The following APOB variants were observed in gnomAD, a reference collection of about 807,000 sequenced individuals.
The protein encoded by APOB is apolipoprotein B-100.
In APOB, 153 loss-of-function variants were observed where a neutral mutation model predicts 314.1. The ratio of observed to expected loss-of-function variants is 0.49; its 90% CI spans 0.43 to 0.56. APOB has a LOEUF of 0.56. APOB is among the 20% of genes least tolerant of loss of function. The pLI is 0.00. For missense variants in APOB, 5,430 were observed against 5,350.7 expected (o/e 1.01, Z -0.46); for synonymous variants, 2,087 against 2,036.4 (o/e 1.02, Z -0.67).
At chr2:21,012,692 A>C in intron 25 of APOB, 41 bp from the exon 26 acceptor site, 1 of 1,594,626 alleles carries the variant, frequency 6.3e-7, no homozygotes, top group African/African-American at 1.3e-5. Flanking sequence ...ATTAAGCAGT[A>C]CATTTCCAGA....
In APOB at chr2:21,012,022, A is replaced by G. The variant is rs1448965079; in HGVS notation, c.4846T>C (p.Ser1616Pro). 1.2e-6 allele frequency: 2 copies of G among 1,614,128 alleles called. No individual in the cohort carries two copies. The highest frequency in any genetic ancestry group is 1.7e-6 in the Non-Finnish European group (2 of 1,180,058). Residue 1616 changes from serine (S) to proline (P), a missense_variant, in exon 26 of 29, where the codon TCT (serine) becomes CCT (proline). Around this residue, in one of 3 missense-constraint regions of APOB, gnomAD observed 2,085 missense variants for 2,079.7 expected, o/e 1.00. Transcript: ENST00000233242. ...AGACCATGGGAATTTAGTGATCCAG[A>G]AAGCAGGCTGAAGAACCTCAATGAC... ...YESLRFFSLL[S>P]GSLNSHGLEL...
In APOB at chr2:21,019,866, C is replaced by T. The variant is rs1403017572; in HGVS notation, c.2856G>A (p.Val952=). ...LHLVSTTKTE[V]IPPLIENRQS... ...GCCTGTTCTCAATGAGAGGTGGGAT[C>T]ACCTCCGTTTTGGTGGTAGAGACCA... Residue 952 remains valine, a synonymous_variant, in exon 19 of 29, where the codon GTG becomes GTA. Coordinates refer to ENST00000233242, the MANE Select transcript of APOB (RefSeq NM_000384.3). The T allele has an allele frequency of 6.2e-7, 1 of 1,614,158 alleles. No homozygotes were observed. The highest frequency in any genetic ancestry group is 8.5e-7 in the Non-Finnish European group (1 of 1,180,042).
At chr2:21,041,972 G>C (rs931141943) in intron 3 of APOB, among the ~76,000 whole-genome samples, 2 of 152,100 alleles carry the variant, frequency 1.3e-5, no homozygotes, top group South Asian at 2.1e-4. Context: ...AACAGATTCT[G>C]TTTGACTTAA....
rs1393930502 is a variant in APOB, at chr2:21,006,025, C to T, written c.10843G>A (p.Asp3615Asn). The T allele has an allele frequency of 6.2e-7, 1 of 1,614,010 alleles. No individual in the cohort carries two copies. The highest frequency in any genetic ancestry group is 2.2e-5 in the East Asian group (1 of 44,880). ...SQPSSFHDFPDLGQEVALNAN... is the reference protein window; with the variant it reads ...SQPSSFHDFPNLGQEVALNAN... ...TTCAGGGCCACTTCCTGGCCAAGGT[C>T]AGGGAAATCATGGAAGGAACTGGGC... The change falls in exon 26 of 29, where the codon GAC becomes AAC. Residue 3615 changes from aspartate to asparagine, a missense_variant. Physicochemically the swap from Asp to Asn is conservative, Grantham distance 23 (BLOSUM62 1). This residue lies in a region of APOB where 3,281 missense variants were observed against 3,171.0 expected (regional missense o/e 1.03). Coordinates refer to ENST00000233242, the MANE Select transcript of APOB (RefSeq NM_000384.3).
Position 21,001,731 on chromosome 2 carries a change from T to C in APOB, c.13691A>G (p.Ter4564=). 1.2e-6 allele frequency: 2 copies of C among 1,613,512 alleles called. No homozygotes were observed. Among genetic ancestry groups the C allele is most frequent in the South Asian group, 1.1e-5 (1 of 90,998 alleles). Residue 4564 remains the stop codon, a stop_retained_variant, in exon 29 of 29, where the codon TAA becomes TGA. Transcript: ENST00000233242. ...LAPGELTIIL[*] ...TAAATGAAGATTTCTTTTAAAAAATTAGAGGATGATAGTAAGTTCTCCTGG... is the reference window on the plus strand; with the variant it reads ...TAAATGAAGATTTCTTTTAAAAAATCAGAGGATGATAGTAAGTTCTCCTGG...
chr2:21,027,892 G>A lies in APOB; in HGVS notation c.2003C>T (p.Pro668Leu), dbSNP rs755497502. 1.9e-6 allele frequency: 3 copies of A among 1,614,194 alleles called. No homozygotes were observed. Among genetic ancestry groups the A allele is most frequent in the Non-Finnish European group, 2.5e-6 (3 of 1,180,024 alleles). Residue 668 changes from proline to leucine, a missense_variant, in exon 14 of 29, where the codon CCT becomes CTT. Pro to Leu is a moderately conservative substitution (Grantham distance 98, BLOSUM62 -3). Coordinates refer to ENST00000233242, the MANE Select transcript of APOB (RefSeq NM_000384.3). ...NLIFDPNNYLPKESMLKTTLT... is the reference protein window; with the variant it reads ...NLIFDPNNYLLKESMLKTTLT... Reference sequence around the variant, plus strand: ...GGTAGTTTTCAGCATGCTTTCTTTAGGAAGGTAGTTATTTGGATCAAATAT... The same window carrying A: ...GGTAGTTTTCAGCATGCTTTCTTTAAGAAGGTAGTTATTTGGATCAAATAT...
In APOB at chr2:21,026,951, C is replaced by T; in HGVS notation, c.2081G>A (p.Gly694Glu). 1 of 1,614,170 alleles carries T rather than the reference C, an allele frequency of 6.2e-7. No homozygotes were observed. Among genetic ancestry groups the T allele is most frequent in the Non-Finnish European group, 8.5e-7 (1 of 1,180,028 alleles). The stretch of plus-strand genomic sequence containing the variant: ...TTCCAATGTTGGCTCAAAGCCTTTT[C>T]CTTCCAAGCCAATCTGAGAAAGAAA... The part of the protein sequence containing the change: ...SADLIEIGLE[G>E]KGFEPTLEAL... The change falls in exon 15 of 29, where the codon GGA becomes GAA. Residue 694 changes from glycine (G) to glutamate (E), a missense_variant. Physicochemically the swap from Gly to Glu is moderately conservative, Grantham distance 98. Around this residue, in one of 3 missense-constraint regions of APOB, gnomAD observed 2,085 missense variants for 2,079.7 expected, o/e 1.00. Coordinates refer to ENST00000233242, the MANE Select transcript of APOB (RefSeq NM_000384.3).
Position 21,011,918 on chromosome 2 carries a change from A to C in APOB, c.4950T>G (p.Asp1650Glu), listed in dbSNP as rs1313378071. The C allele has an allele frequency of 1.2e-6, 2 of 1,614,002 alleles. No individual in the cohort carries two copies. Among genetic ancestry groups the C allele is most frequent in the South Asian group, 1.1e-5 (1 of 91,080 alleles). Residue 1650 changes from aspartate (D) to glutamate (E), a missense_variant, in exon 26 of 29, where the codon GAT (aspartate) becomes GAG (glutamate). Physicochemically the swap from Asp to Glu is conservative, Grantham distance 45. Transcript: ENST00000233242. ...TGGTCGTTGCACTGGTAGATATTCC[A>C]TCTTGGCCAATCCTTAGTGTCGCCT... ...AHKATLRIGQ[D>E]GISTSATTNL...
chr2:21,004,175 G>T (rs1663065321), intron 28 of APOB, 94 bp downstream of exon 28: 1 of 1,365,714 alleles, frequency 7.3e-7, no homozygotes, highest in Non-Finnish European at 1.0e-6. Flanking sequence ...CACCTAGTTT[G>T]GGGAATCTCT....
rs1467053991 is a variant in APOB at position 21,010,562 on chromosome 2, G to A, written c.6306C>T (p.Ile2102=). 3 of 1,612,996 alleles carry A rather than the reference G, an allele frequency of 1.9e-6. No individual in the cohort carries two copies. In the African/African-American group the frequency reaches 4.0e-5, roughly 22 times the overall value. ...LENVQRNLKH[I]NIDQFVRKYR... is the part of the protein sequence containing the mutation. Reference sequence around the variant, plus strand: ...ATTTTCTTACAAATTGATCAATATTGATGTGCTTCAGGTTTCTCTGTACGT... The same window carrying A: ...ATTTTCTTACAAATTGATCAATATTAATGTGCTTCAGGTTTCTCTGTACGT... The change falls in exon 26 of 29, where the codon ATC becomes ATT. Residue 2102 remains isoleucine, a synonymous_variant. Coordinates refer to ENST00000233242, the MANE Select transcript of APOB (RefSeq NM_000384.3).
At position 21,002,986 on chromosome 2, in the gene APOB, C is replaced by T. The variant is rs778195760; in HGVS notation, c.12436G>A (p.Asp4146Asn). The T allele has an allele frequency of 6.3e-6, 10 of 1,591,288 alleles. No individual in the cohort carries two copies. The East Asian group carries it at 1.1e-4, about 18-fold the overall frequency. The stretch of plus-strand genomic sequence containing the variant: ...TCCTGGTACAGATTCTGGGCCTTGT[C>T]CTTCCACTCTTGGTAGGTCCCAGTG... ...GTTGTYQEWK[D>N]KAQNLYQELL... Residue 4146 changes from aspartate (D) to asparagine (N), a missense_variant, in exon 29 of 29, where the codon GAC becomes AAC. Physicochemically the swap from Asp to Asn is conservative, Grantham distance 23. Around this residue, in one of 3 missense-constraint regions of APOB, gnomAD observed 3,281 missense variants for 3,171.0 expected, o/e 1.03. Transcript: ENST00000233242.
In APOB at chr2:21,009,691, A is replaced by G. The variant is rs1663251090; in HGVS notation, c.7177T>C (p.Leu2393=). ...ACAGCATCATCAATAAATCCAACCA[A>G]TTTCTCAAAGTAATCTTTTATCTTA... ...QVKIKDYFEK[L]VGFIDDAVKK... is the part of the protein sequence containing the mutation. The change falls in exon 26 of 29, where the codon TTG becomes CTG. Residue 2393 remains leucine (L), a synonymous_variant. Transcript: ENST00000233242. 1 of 1,613,304 alleles carries G rather than the reference A, an allele frequency of 6.2e-7. No homozygotes were observed. Among genetic ancestry groups the G allele is most frequent in the South Asian group, 1.1e-5 (1 of 90,996 alleles).
rs922885039 is a variant in APOB at position 21,043,905 on chromosome 2, A to G, written c.41T>C (p.Leu14Pro). Reference sequence around the variant, plus strand: ...CAGCAGCAGCAGCAGCAGCGCAGGCAGCGCCAGCAGCGCCAGCAGCGCGGG... The same window carrying G: ...CAGCAGCAGCAGCAGCAGCGCAGGCGGCGCCAGCAGCGCCAGCAGCGCGGG... The part of the protein sequence containing the change: ...PRPALLALLA[L>P]PALLLLLLAG... Residue 14 changes from leucine (L) to proline (P), a missense_variant, in exon 1 of 29, where the codon CTG (leucine) becomes CCG (proline). By Grantham distance (98) the Leu-to-Pro change is moderately conservative (BLOSUM62 -3). Transcript: ENST00000233242. 16 of 679,832 alleles carry G rather than the reference A, an allele frequency of 2.4e-5. No homozygotes were observed. In the African/African-American group the frequency reaches 3.6e-4, roughly 15 times the overall value. 42.1% of individuals were successfully genotyped at this position (679,832 alleles called of 1,614,324 possible). A position where few individuals can be genotyped will look rare whatever the true frequency, so the allele number is the denominator to read the frequency against.
chr2:21,008,322 G>A lies in APOB; in HGVS notation c.8546C>T (p.Ala2849Val), dbSNP rs1276037877. The change falls in exon 26 of 29, where the codon GCT becomes GTT. Residue 2849 changes from alanine to valine, a missense_variant. Transcript: ENST00000233242. ...HGSEMLFFGNAIEGKSNTVAS... is the reference protein window; with the variant it reads ...HGSEMLFFGNVIEGKSNTVAS... ...CACTGTGTTTGATTTTCCCTCAATAGCATTTCCAAAAAACAGCATTTCACT... is the reference window on the plus strand; with the variant it reads ...CACTGTGTTTGATTTTCCCTCAATAACATTTCCAAAAAACAGCATTTCACT... The A allele has an allele frequency of 6.2e-7, 1 of 1,612,792 alleles. No individual in the cohort carries two copies. Among genetic ancestry groups the A allele is most frequent in the Non-Finnish European group, 8.5e-7 (1 of 1,179,178 alleles).
rs1664187798 is a variant in APOB at position 21,043,532 on chromosome 2, A to G, written c.102T>C (p.Asn34=). Residue 34 remains asparagine (N), a synonymous_variant, in exon 2 of 29, where the codon AAT becomes AAC. Transcript: ENST00000233242. ...GARAEEEMLE[N]VSLVCPKDAT... Reference sequence around the variant, plus strand: ...CCTTACTTGGACAGACCAGGCTGACATTTTCCAGCATTTCCTCTTCTGTAA... The same window carrying G: ...CCTTACTTGGACAGACCAGGCTGACGTTTTCCAGCATTTCCTCTTCTGTAA... 6.2e-7 allele frequency: 1 copy of G among 1,604,680 alleles called. No individual in the cohort carries two copies. Among genetic ancestry groups the G allele is most frequent in the Admixed American group, 1.7e-5 (1 of 58,742 alleles).
chr2:21,019,609 C>T (rs1663548778), intron 19 of APOB, 114 bp downstream of exon 19: 2 of 1,168,432 alleles, frequency 1.7e-6, no homozygotes, highest in Non-Finnish European at 2.5e-6. Flanking sequence ...TGGTGCAAAC[C>T]CAGAAGGCTA....
rs568176871 is a variant in APOB, at chr2:21,009,751, T to A, written c.7117A>T (p.Thr2373Ser). 4 of 1,614,022 alleles carry A rather than the reference T, an allele frequency of 2.5e-6. No individual in the cohort carries two copies. The highest frequency in any genetic ancestry group is 1.1e-5 in the South Asian group (1 of 91,072). Residue 2373 changes from threonine to serine, a missense_variant, in exon 26 of 29, where the codon ACT becomes TCT. Transcript: ENST00000233242. ...ELAHQYKLKE[T>S]IQKLSNVLQQ... Reference sequence around the variant, plus strand: ...AGGACATTGCTTAGCTTCTGAATAGTCTCCTTCAACTTGTATTGGTGGGCC... The same window carrying A: ...AGGACATTGCTTAGCTTCTGAATAGACTCCTTCAACTTGTATTGGTGGGCC...
rs1487038314 is a variant in APOB at position 21,002,752 on chromosome 2, C to T, written c.12670G>A (p.Val4224Ile). ...TATACCTGGGACAGTACCGTCCCTA[C>T]CTCCCTTATGAACATAGTGCAAAGT... ...EELCTMFIRE[V>I]GTVLSQVYSK... The change falls in exon 29 of 29, where the codon GTA becomes ATA. Residue 4224 changes from valine to isoleucine, a missense_variant. Coordinates refer to ENST00000233242, the MANE Select transcript of APOB (RefSeq NM_000384.3). 6.2e-7 allele frequency: 1 copy of T among 1,609,944 alleles called. No homozygotes were observed. Among genetic ancestry groups the T allele is most frequent in the Admixed American group, 1.7e-5 (1 of 59,744 alleles).
rs1663465743 is a variant in APOB at position 21,016,463 on chromosome 2, T to G, written c.3308A>C (p.Glu1103Ala). ...CCTTAGGTGGCCCATGAGGGCGACCTCAGTAATTTTCTTGTTCTGAATGTC... is the reference window on the plus strand; with the variant it reads ...CCTTAGGTGGCCCATGAGGGCGACCGCAGTAATTTTCTTGTTCTGAATGTC... ...TLDIQNKKIT[E>A]VALMGHLSCD... Residue 1103 changes from glutamate (E) to alanine (A), a missense_variant, in exon 21 of 29, where the codon GAG (glutamate) becomes GCG (alanine). Transcript: ENST00000233242. 1 of 1,609,356 alleles carries G rather than the reference T, an allele frequency of 6.2e-7. No individual in the cohort carries two copies. The highest frequency in any genetic ancestry group is 8.5e-7 in the Non-Finnish European group (1 of 1,175,646).
Sources: allele counts gnomAD v4.1 joint callset (sites outside exome capture counted in the v4.1 genomes callset), GRCh38; gene constraint gnomAD v4.1.1; regional missense constraint gnomAD v4.1.1; transcripts MANE v1.5; gene names NCBI Gene and HGNC (gene_info 2026-07-23, HGNC 2026-07-21).